The following AKNAD1 variants were observed in gnomAD, a reference collection of about 807,000 sequenced individuals.
AKNAD1 encodes the protein protein AKNAD1.
AKNAD1 carries 67 observed loss-of-function variants against 90.8 expected under a neutral mutation model. That is an observed-to-expected ratio of 0.74 (90% CI 0.61 to 0.90). The LOEUF (loss-of-function observed/expected upper bound fraction) is 0.90. Among genes scored for constraint, AKNAD1 ranks in the 40% least tolerant of loss-of-function variants. The probability of loss-of-function intolerance (pLI) is 0.00; values close to 1 mark genes in which losing one functional copy is unlikely to be tolerated. For missense variants in AKNAD1, 957 were observed against 975.4 expected, an observed-to-expected ratio of 0.98 and a Z score of 0.25; for synonymous variants, 327 against 341.4, an observed-to-expected ratio of 0.96 and a Z score of 0.46.
chr1:108,829,825 G>A (rs774141021), intron 10 of AKNAD1, among the ~76,000 whole-genome samples: 3 of 152,290 alleles, frequency 2.0e-5, no homozygotes, highest in East Asian at 1.9e-4. Flanking sequence ...TCAATGAGCC[G>A]AGCTTTGGCC....
chr1:108,857,035 T>C lies in AKNAD1; in HGVS notation c.-210A>G, dbSNP rs1665070562. On this transcript the variant is annotated 5_prime_UTR_variant, in exon 1 of 16. Transcript: ENST00000370001. ...AATCCAAAGGCATATCCAAAGAGGT[T>C]CCACTCAGAATCCAACAGAACCTTT... 1 of 152,194 alleles carries C rather than the reference T, an allele frequency of 6.6e-6. No individual in the cohort carries two copies. Among genetic ancestry groups the C allele is most frequent in the African/African-American group, 2.4e-5 (1 of 41,436 alleles). The allele number at this position is 152,194 out of a possible 1,614,324, so 9.4% of individuals were successfully genotyped here.
chr1:108,831,145 G>A (rs1664183322), intron 9 of AKNAD1, among the ~76,000 whole-genome samples: 1 of 152,166 alleles, frequency 6.6e-6, no homozygotes, highest in African/African-American at 2.4e-5. Context: ...ACAGGGTTTA[G>A]GGACTGTCTG....
chr1:108,824,117 G>A (rs1367461756), intron 11 of AKNAD1, among the ~76,000 whole-genome samples: 3 of 152,202 alleles, frequency 2.0e-5, no homozygotes, highest in Non-Finnish European at 4.4e-5. Context: ...GGAAAGATGG[G>A]TTTCTTCTAT....
chr1:108,823,128 C>T, intron 13 of AKNAD1: 2 of 707,764 alleles, frequency 2.8e-6, no homozygotes, highest in Non-Finnish European at 5.2e-6. Context: ...CTGGTGTAGC[C>T]CTTAATAACT....
In AKNAD1 at chr1:108,834,913, C is replaced by T. The variant is rs1268812046; in HGVS notation, c.1664+16G>A. 1 of 1,517,180 alleles carries T rather than the reference C, an allele frequency of 6.6e-7. No individual in the cohort carries two copies. Among genetic ancestry groups the T allele is most frequent in the Non-Finnish European group, 8.8e-7 (1 of 1,140,336 alleles). 94.0% of individuals were successfully genotyped at this position (1,517,180 alleles called of 1,614,324 possible). On this transcript the variant is annotated intron_variant, in intron 8 of 15. Transcript: ENST00000370001. ...CTGTGTCCTGTGTCTGCTGGGGCTC[C>T]AGGGCTAGGACTCACGTCTGCGGGG... is the stretch of plus-strand genomic sequence containing the variant.
At chr1:108,853,533 C>T (rs2101222839) in intron 1 of AKNAD1, among the ~76,000 whole-genome samples, 1 of 152,076 alleles carries the variant, frequency 6.6e-6, no homozygotes, top group Admixed American at 6.5e-5. Context: ...ATGTAACACC[C>T]ACCTTCTCCA....
chr1:108,852,881 G>T, intron 1 of AKNAD1, 114 bp from the exon 2 acceptor site: 3 of 407,440 alleles, frequency 7.4e-6, no homozygotes, highest in South Asian at 1.0e-4. Flanking sequence ...AAACAGGAAG[G>T]CAGGAAGCTC....
At chr1:108,842,721 A>G (rs1196601176) in intron 6 of AKNAD1, among the ~76,000 whole-genome samples, 1 of 152,076 alleles carries the variant, frequency 6.6e-6, no homozygotes, top group Non-Finnish European at 1.5e-5. Context: ...GTGGGGAGAG[A>G]TAGATAAGAG....
At chr1:108,849,714 T>C in intron 2 of AKNAD1, 138 bp from the exon 3 acceptor site, 1 of 639,542 alleles carries the variant, frequency 1.6e-6, no homozygotes, top group Non-Finnish European at 2.8e-6. Flanking sequence ...ATGCCAAGGT[T>C]GAATTCCACT....
chr1:108,833,881 A>G (rs942947596), intron 9 of AKNAD1, among the ~76,000 whole-genome samples: 3 of 152,074 alleles, frequency 2.0e-5, no homozygotes, highest in Admixed American at 1.3e-4. Flanking sequence ...CTGAACAAAT[A>G]TCACCTTTCT....
upstream of AKNAD1, chr1:108,857,375 G>T (rs1255321578): frequency 1.3e-5 from 2 of 153,236 alleles, no homozygotes; most frequent in African/African-American, 4.8e-5. Flanking sequence ...ACTTAGAGAA[G>T]AAGGTAACCA....
Position 108,852,605 on chromosome 1 carries a change from A to G in AKNAD1, c.60T>C (p.Asp20=), listed in dbSNP as rs546508974. 4 of 1,610,122 alleles carry G rather than the reference A, an allele frequency of 2.5e-6. No individual in the cohort carries two copies. The highest frequency in any genetic ancestry group is 2.5e-6 in the Non-Finnish European group (3 of 1,178,522). The change falls in exon 2 of 16, where the codon GAT becomes GAC. Residue 20 remains aspartate (D), a synonymous_variant. Transcript: ENST00000370001. ...TTYKQEDLPY[D]GDLSQIKIGN... Reference sequence around the variant, plus strand: ...CTATCTTAATCTGAGAGAGGTCCCCATCATAAGGCAAATCCTCCTGCTTAT... The same window carrying G: ...CTATCTTAATCTGAGAGAGGTCCCCGTCATAAGGCAAATCCTCCTGCTTAT...
At chr1:108,827,178 G>C in intron 11 of AKNAD1, 27 bp downstream of exon 11, 1 of 1,569,818 alleles carries the variant, frequency 6.4e-7, no homozygotes, top group Non-Finnish European at 8.7e-7. Context: ...TGAAAAATGA[G>C]CACCCAGCCC....
intron 11 of AKNAD1, among the ~76,000 whole-genome samples, chr1:108,826,863 C>T (rs1039509282): frequency 6.6e-6 from 1 of 150,716 alleles, no homozygotes; most frequent in African/African-American, 2.4e-5. Flanking sequence ...CCTTAGTCTC[C>T]CAAGTAGCTG....
chr1:108,846,697 C>G (rs1480808870), intron 5 of AKNAD1, among the ~76,000 whole-genome samples: 1 of 152,018 alleles, frequency 6.6e-6, no homozygotes, highest in Admixed American at 6.6e-5. Context: ...TTGCCTGGCC[C>G]GTCTCATCCA....
chr1:108,829,327 A>G (rs1664109582), intron 10 of AKNAD1, among the ~76,000 whole-genome samples: 1 of 145,994 alleles, frequency 6.8e-6, no homozygotes, highest in South Asian at 2.3e-4. Flanking sequence ...CTTGGTACTT[A>G]ATGTACTTCT....
intron 9 of AKNAD1, among the ~76,000 whole-genome samples, chr1:108,831,997 T>C (rs1488197329): frequency 2.6e-5 from 4 of 151,990 alleles, no homozygotes; most frequent in Non-Finnish European, 4.4e-5. Context: ...AGGGTTTCAG[T>C]GTTTTCCTGT....
chr1:108,852,700 C>T lies in AKNAD1; in HGVS notation c.-36G>A. On this transcript the variant is annotated 5_prime_UTR_variant, in exon 2 of 16. Coordinates refer to ENST00000370001, the MANE Select transcript of AKNAD1 (RefSeq NM_152763.5). ...CCCGATCGCTCTCGTCCTCTGCCTC[C>T]TGAGCTGGCTGCTGTCAGTTGTAAC... 1 of 1,525,142 alleles carries T rather than the reference C, an allele frequency of 6.6e-7. No homozygotes were observed. The highest frequency in any genetic ancestry group is 8.8e-7 in the Non-Finnish European group (1 of 1,142,676). 94.5% of individuals were successfully genotyped at this position (1,525,142 alleles called of 1,614,324 possible).
At chr1:108,856,755 C>G (rs943359299) in intron 1 of AKNAD1, among the ~76,000 whole-genome samples, 174 bp downstream of exon 1, 2 of 151,880 alleles carry the variant, frequency 1.3e-5, no homozygotes, top group Admixed American at 6.6e-5. Context: ...AACACACACA[C>G]AGACAAAGAA....
Sources: allele counts gnomAD v4.1 joint callset (sites outside exome capture counted in the v4.1 genomes callset), GRCh38; gene constraint gnomAD v4.1.1; transcripts MANE v1.5; gene names NCBI Gene and HGNC (gene_info 2026-07-23, HGNC 2026-07-21).